Variants in KIFAP3 observed in about 807,000 individuals in gnomAD.
KIFAP3 encodes the protein kinesin associated protein 3, also known as kinesin-associated protein 3.
In KIFAP3, 68 loss-of-function variants were observed where a neutral mutation model predicts 106.5. That is an observed-to-expected ratio of 0.64 (90% CI 0.53 to 0.78). The LOEUF (loss-of-function observed/expected upper bound fraction) is 0.78. Among genes scored for constraint, KIFAP3 ranks in the 30% least tolerant of loss-of-function variants. The pLI, the probability that KIFAP3 is intolerant of heterozygous loss-of-function variation, is 0.00. For missense variants in KIFAP3, 780 were observed against 941.8 expected (o/e 0.83, Z 2.25); for synonymous variants, 320 against 311.5 (o/e 1.03, Z -0.29).
intron 18 of KIFAP3, 145 bp from the exon 19 acceptor site, chr1:169,954,255 A>G: frequency 1.7e-6 from 1 of 605,966 alleles, no homozygotes. Flanking sequence ...GGGAGTATGA[A>G]CAGACAACTG....
chr1:170,018,898 G>C (rs1181726649), intron 9 of KIFAP3, among the ~76,000 whole-genome samples: 1 of 152,058 alleles, frequency 6.6e-6, no homozygotes, highest in Non-Finnish European at 1.5e-5. Flanking sequence ...GTTCATTATA[G>C]AGTATAATTC....
At position 170,040,832 on chromosome 1, in the gene KIFAP3, CT is replaced by C. The variant is rs776420489; in HGVS notation, c.320-1545del. ...ATCATGTTCAAAATGTCTATTTTTGCTTTTTTTTTTTTTGAGATGGAGTCTC... is the reference window on the plus strand; with the variant it reads ...ATCATGTTCAAAATGTCTATTTTTGCTTTTTTTTTTTTGAGATGGAGTCTC... On this transcript the variant is annotated intron_variant, in intron 3 of 19. Transcript: ENST00000361580. Among the ~76,000 whole-genome samples, 521 of 142,588 alleles carry C rather than the reference CT, an allele frequency of 3.7e-3. 7 individuals carry two copies. Among genetic ancestry groups the C allele is most frequent in the Admixed American group, 0.016 (234 of 14,224 alleles). 93.5% of individuals were successfully genotyped at this position (142,588 alleles called of 152,430 possible). A position where few individuals can be genotyped will look rare whatever the true frequency, so the allele number is the denominator to read the frequency against.
chr1:169,922,063 ATTAC>A (rs1432750668), intron 19 of KIFAP3, among the ~76,000 whole-genome samples: 1 of 152,212 alleles, frequency 6.6e-6, no homozygotes, highest in East Asian at 1.9e-4. Flanking sequence ...TATTTAATAA[ATTAC>A]TTATATATGG....
intron 2 of KIFAP3, among the ~76,000 whole-genome samples, chr1:170,052,636 T>C (rs1200344942): frequency 1.3e-5 from 2 of 152,176 alleles, no homozygotes; most frequent in Non-Finnish European, 2.9e-5. Context: ...TCAAAAAACT[T>C]ATCCACCACA....
intron 2 of KIFAP3, among the ~76,000 whole-genome samples, chr1:170,047,244 T>C (rs1241685915): frequency 2.0e-5 from 3 of 152,156 alleles, no homozygotes; most frequent in Non-Finnish European, 4.4e-5. Flanking sequence ...CTAACTTTTT[T>C]TCAGCTAGGG....
intron 10 of KIFAP3, among the ~76,000 whole-genome samples, chr1:169,996,906 G>T (rs495642): frequency 0.94 from 142,587 of 152,170 alleles, 66,885 homozygotes; most frequent in East Asian, 1. Flanking sequence ...ATGGATGAAA[G>T]AATTTCCTGA....
chr1:169,973,758 G>A (rs1323123419), intron 16 of KIFAP3, among the ~76,000 whole-genome samples: 1 of 151,588 alleles, frequency 6.6e-6, no homozygotes, highest in Admixed American at 6.6e-5. Flanking sequence ...TATTATTAAA[G>A]AGAAAAAATA....
At chr1:170,074,261 C>A (rs1671830277) in intron 1 of KIFAP3, among the ~76,000 whole-genome samples, 175 bp downstream of exon 1, 1 of 152,216 alleles carries the variant, frequency 6.6e-6, no homozygotes, top group Non-Finnish European at 1.5e-5. Flanking sequence ...GAAACCCCCC[C>A]AGAGCTCTCC....
intron 10 of KIFAP3, among the ~76,000 whole-genome samples, chr1:170,009,507 A>G (rs1009412821): frequency 1.3e-5 from 2 of 152,144 alleles, no homozygotes; most frequent in Non-Finnish European, 2.9e-5. Context: ...GCCCTTCCAA[A>G]GAACACATTT....
At position 170,055,419 on chromosome 1, in the gene KIFAP3, T is replaced by A. The variant is rs1461920725; in HGVS notation, c.50A>T (p.Asn17Ile). ...RYLKRKVKGGNIDVHPSEKAL... is the reference protein window; with the variant it reads ...RYLKRKVKGGIIDVHPSEKAL... ...TTTTTCTGATGGATGTACATCTATA[T>A]TCCCTCCTTTAACTTTCCTATAATA... The change falls in exon 2 of 20, where the codon AAT (asparagine) becomes ATT (isoleucine). Residue 17 changes from asparagine to isoleucine, a missense_variant. By Grantham distance (149) the Asn-to-Ile change is moderately radical. Around this residue, in one of 3 missense-constraint regions of KIFAP3, gnomAD observed 588 missense variants for 678.9 expected, o/e 0.87. Coordinates refer to ENST00000361580, the MANE Select transcript of KIFAP3 (RefSeq NM_014970.4). 6.3e-7 allele frequency: 1 copy of A among 1,594,560 alleles called. No homozygotes were observed. The highest frequency in any genetic ancestry group is 8.5e-7 in the Non-Finnish European group (1 of 1,169,910).
At chr1:170,082,891 T>C (rs1478628755) in intron 1 of KIFAP3, among the ~76,000 whole-genome samples, 1 of 152,180 alleles carries the variant, frequency 6.6e-6, no homozygotes, top group African/African-American at 2.4e-5. Context: ...GAGAATCGCC[T>C]GAACCCAGGA....
intron 7 of KIFAP3, 34 bp from the exon 8 acceptor site, chr1:170,032,018 T>A (rs200887542): frequency 1.2e-6 from 1 of 846,400 alleles, no homozygotes; most frequent in Non-Finnish European, 1.7e-6. Flanking sequence ...CCATACTCAT[T>A]GAAGCAAAAA....
intron 13 of KIFAP3, 118 bp downstream of exon 13, chr1:169,983,152 A>G (rs545685575): frequency 3.1e-5 from 21 of 672,110 alleles, no homozygotes; most frequent in Admixed American, 1.8e-4. Context: ...AGTTGATAAC[A>G]TAAGAGCAAT....
chr1:170,063,476 T>A (rs973015), intron 1 of KIFAP3, among the ~76,000 whole-genome samples: 1 of 151,928 alleles, frequency 6.6e-6, no homozygotes, highest in African/African-American at 2.4e-5. Context: ...TTCCTAGCCC[T>A]CTGCCCTCCA....
chr1:169,960,809 C>A (rs1665283737), intron 18 of KIFAP3, among the ~76,000 whole-genome samples: 1 of 151,802 alleles, frequency 6.6e-6, no homozygotes, highest in Non-Finnish European at 1.5e-5. Context: ...CATCTAAGAA[C>A]AATTAATTTT....
intron 19 of KIFAP3, 86 bp from the exon 20 acceptor site, chr1:169,921,867 C>A: frequency 2.1e-6 from 2 of 955,142 alleles, no homozygotes; most frequent in Non-Finnish European, 3.3e-6. Context: ...TTTATACCAC[C>A]AAGATTCTCT....
Position 170,034,425 on chromosome 1 carries a change from T to C in KIFAP3, c.689A>G (p.Glu230Gly). 6.2e-7 allele frequency: 1 copy of C among 1,601,578 alleles called. No individual in the cohort carries two copies. The highest frequency in any genetic ancestry group is 2.2e-5 in the East Asian group (1 of 44,504). Residue 230 changes from glutamate to glycine, a missense_variant, in exon 7 of 20, where the codon GAG (glutamate) becomes GGG (glycine). By Grantham distance (98) the Glu-to-Gly change is moderately conservative. Around this residue, in one of 3 missense-constraint regions of KIFAP3, gnomAD observed 588 missense variants for 678.9 expected, o/e 0.87. Transcript: ENST00000361580. ...TTGCCAAAGCTCATGTCTTTTTAAC[T>C]CATGATCAATAATATTCATACACAG... is the stretch of plus-strand genomic sequence containing the variant. ...GALCMNIIDH[E>G]LKRHELWQEE...
chr1:170,068,319 A>G (rs933350829), intron 1 of KIFAP3: 1 of 152,136 alleles, frequency 6.6e-6, no homozygotes, highest in Non-Finnish European at 1.5e-5. Flanking sequence ...AGTGCAAATA[A>G]CTAAGAAAAA....
Position 169,950,310 on chromosome 1 carries a change from C to T in KIFAP3, c.2273+3701G>A, listed in dbSNP as rs534529576. ...GCCACTTGGCACTGTCATATTGTTT[C>T]GTGTTTTATCCCACATATTGTTATA... On this transcript the variant is annotated intron_variant, in intron 19 of 19. Transcript: ENST00000361580. Among the ~76,000 whole-genome samples, 4 of 152,216 alleles carry T rather than the reference C, an allele frequency of 2.6e-5. No individual in the cohort carries two copies. In the South Asian group the frequency reaches 8.3e-4, roughly 32 times the overall value.
Sources: gnomAD v4.1 joint callset for allele counts (sites outside exome capture counted in the v4.1 genomes callset) on GRCh38, gnomAD v4.1.1 for gene constraint, gnomAD v4.1.1 regional missense constraint, MANE v1.5 for transcripts, NCBI Gene and HGNC (gene_info 2026-07-23, HGNC 2026-07-21) for gene names.